The following POLR3B variants were observed in gnomAD, a reference collection of about 807,000 sequenced individuals.
POLR3B encodes DNA-directed RNA polymerase III subunit RPC2.
In POLR3B, 96 loss-of-function variants were observed where a neutral mutation model predicts 147.4. That is an observed-to-expected ratio of 0.65 (90% CI 0.55 to 0.77). The LOEUF (loss-of-function observed/expected upper bound fraction) is 0.77, where lower values mean the gene tolerates loss of function less well. Among genes scored for constraint, POLR3B ranks in the 30% least tolerant of loss-of-function variants. The pLI is 0.00. For synonymous variants in POLR3B, 461 were observed against 485.9 expected (o/e 0.95, Z 0.67); for missense variants, 1,036 against 1,413.5 (o/e 0.73, Z 4.28).
At chr12:106,483,394 G>A (rs1016380404) in intron 23 of POLR3B, among the ~76,000 whole-genome samples, 1 of 152,144 alleles carries the variant, frequency 6.6e-6, no homozygotes. Flanking sequence ...ACTGTGTGGG[G>A]CACTTTAGGG....
chr12:106,371,581 C>T (rs1213379805), intron 6 of POLR3B, among the ~76,000 whole-genome samples: 2 of 150,074 alleles, frequency 1.3e-5, no homozygotes, highest in Admixed American at 6.7e-5. Context: ...AAATGTGGCA[C>T]ATATACACCA....
chr12:106,474,871 TC>T, intron 23 of POLR3B, among the ~76,000 whole-genome samples: 1 of 151,874 alleles, frequency 6.6e-6, no homozygotes, highest in Non-Finnish European at 1.5e-5. Flanking sequence ...TTCTTTCAGT[TC>T]TGCTCTGATT....
intron 11 of POLR3B, among the ~76,000 whole-genome samples, chr12:106,409,490 A>C (rs1339726456): frequency 6.6e-6 from 1 of 151,704 alleles, no homozygotes; most frequent in African/African-American, 2.4e-5. Flanking sequence ...ACATTCAAAC[A>C]CATTTCTTTT....
At chr12:106,500,219 T>A (rs773619814) in intron 25 of POLR3B, 13 of 452,856 alleles carry the variant, frequency 2.9e-5, no homozygotes, top group Middle Eastern at 3.2e-4. Flanking sequence ...TAAAAAAAAA[T>A]TTTTTAAGAC....
chr12:106,437,930 C>T, intron 18 of POLR3B, 151 bp downstream of exon 18: 1 of 649,436 alleles, frequency 1.5e-6, no homozygotes, highest in South Asian at 1.8e-5. Flanking sequence ...TTTGAACATG[C>T]AGGTTTGTTA....
chr12:106,418,127 C>T (rs2037330711), intron 12 of POLR3B, among the ~76,000 whole-genome samples: 1 of 152,168 alleles, frequency 6.6e-6, no homozygotes, highest in South Asian at 2.1e-4. Flanking sequence ...AGTCTTGATG[C>T]CACAAGAGGG....
In POLR3B at chr12:106,405,846, G is replaced by T. The variant is rs2037144045; in HGVS notation, c.847-11G>T. On this transcript the variant is annotated splice_polypyrimidine_tract_variant and intron_variant, in intron 10 of 27. Transcript: ENST00000228347. ...TGTCATTCAAACATTATTGTAATCTGTTTTTTATAGGCATTAAAATATATA... is the reference window on the plus strand; with the variant it reads ...TGTCATTCAAACATTATTGTAATCTTTTTTTTATAGGCATTAAAATATATA... The T allele has an allele frequency of 6.2e-7, 1 of 1,612,380 alleles. No individual in the cohort carries two copies. The highest frequency in any genetic ancestry group is 1.3e-5 in the African/African-American group (1 of 74,984).
chr12:106,485,710 A>C (rs1287979363), intron 23 of POLR3B, among the ~76,000 whole-genome samples: 1 of 152,200 alleles, frequency 6.6e-6, no homozygotes, highest in Non-Finnish European at 1.5e-5. Context: ...AATTGGGTAA[A>C]GAATAGTTTT....
Position 106,393,093 on chromosome 12 carries a change from G to A in POLR3B, c.786G>A (p.Met262Ile). The A allele has an allele frequency of 6.2e-7, 1 of 1,614,210 alleles. No homozygotes were observed. The highest frequency in any genetic ancestry group is 8.5e-7 in the Non-Finnish European group (1 of 1,180,014). Residue 262 changes from methionine (M) to isoleucine (I), a missense_variant, in exon 10 of 28, where the codon ATG (methionine) becomes ATA (isoleucine). Met to Ile is a conservative substitution (Grantham distance 10). Transcript: ENST00000228347. ...VQMIGTEEHV[M>I]AAFGPSLEEC... ...TGATTGGAACAGAGGAGCACGTGAT[G>A]GCTGCATTTGGGCCCAGTCTGGAAG...
At chr12:106,508,409 C>G (rs2038723430) in intron 27 of POLR3B, among the ~76,000 whole-genome samples, 1 of 152,184 alleles carries the variant, frequency 6.6e-6, no homozygotes, top group Non-Finnish European at 1.5e-5. Context: ...CCCGATCTTC[C>G]AAGCCTCAGT....
intron 25 of POLR3B, among the ~76,000 whole-genome samples, 190 bp downstream of exon 25, chr12:106,497,108 G>A (rs545651387): frequency 1.5e-5 from 2 of 134,746 alleles, no homozygotes; most frequent in East Asian, 3.0e-4. Context: ...AAAACATTAT[G>A]AGAGTTTTTC....
intron 11 of POLR3B, chr12:106,410,373 CCT>C (rs953379727): frequency 3.1e-5 from 5 of 160,058 alleles, no homozygotes; most frequent in Non-Finnish European, 1.4e-5. Context: ...TGAAATGTAG[CCT>C]CTCTCTCTGT....
Position 106,496,127 on chromosome 12 carries a change from T to C in POLR3B, c.2786T>C (p.Met929Thr). The change falls in exon 24 of 28, where the codon ATG (methionine) becomes ACG (threonine). Residue 929 changes from methionine (M) to threonine (T), a missense_variant. Physicochemically the swap from Met to Thr is moderately conservative, Grantham distance 81. Around this residue, in one of 12 missense-constraint regions of POLR3B, gnomAD observed 15 missense variants for 38.1 expected, o/e 0.39. Coordinates refer to ENST00000228347, the MANE Select transcript of POLR3B (RefSeq NM_018082.6). ...TCTGGCATCTGTCCGGACATCATCA[T>C]GAACCCACACGGCTTCCCATCACGA... The part of the protein sequence containing the change: ...CDSGICPDII[M>T]NPHGFPSRMT... 2 of 1,611,326 alleles carry C rather than the reference T, an allele frequency of 1.2e-6. No homozygotes were observed. Among genetic ancestry groups the C allele is most frequent in the Non-Finnish European group, 1.7e-6 (2 of 1,177,402 alleles).
chr12:106,477,653 T>C (rs1319921333), intron 23 of POLR3B, among the ~76,000 whole-genome samples: 1 of 152,128 alleles, frequency 6.6e-6, no homozygotes, highest in Non-Finnish European at 1.5e-5. Flanking sequence ...CCCCTTTCTT[T>C]GACTCGGAAA....
chr12:106,428,552 A>T lies in POLR3B; in HGVS notation c.1263+1194A>T, dbSNP rs575130158. ...TAATACTCCTACAGAATACAAGAACAAATTCTCTTGCTGAACATCTTGGCT... is the reference window on the plus strand; with the variant it reads ...TAATACTCCTACAGAATACAAGAACTAATTCTCTTGCTGAACATCTTGGCT... On this transcript the variant is annotated intron_variant, in intron 13 of 27. Transcript: ENST00000228347. Among the ~76,000 whole-genome samples the T allele has an allele frequency of 1.4e-4, 22 of 152,280 alleles. No individual in the cohort carries two copies. The South Asian group carries it at 4.6e-3, about 32-fold the overall frequency.
Position 106,418,290 on chromosome 12 carries a change from GC to G in POLR3B, c.1101+7331del, listed in dbSNP as rs1206955364. ...AAATTTTTTGTTTCTAATGCAGCTTGCTTTGTATGGGTGAGATATGGAATGG... is the reference window on the plus strand; with the variant it reads ...AAATTTTTTGTTTCTAATGCAGCTTGTTTGTATGGGTGAGATATGGAATGG... On this transcript the variant is annotated intron_variant, in intron 12 of 27. Coordinates refer to ENST00000228347, the MANE Select transcript of POLR3B (RefSeq NM_018082.6). Among the ~76,000 whole-genome samples, 3 of 152,164 alleles carry G rather than the reference GC, an allele frequency of 2.0e-5. No homozygotes were observed. In the East Asian group the frequency reaches 5.8e-4, roughly 29 times the overall value.
intron 23 of POLR3B, among the ~76,000 whole-genome samples, chr12:106,474,926 C>T (rs967910880): frequency 1.4e-5 from 2 of 141,414 alleles, no homozygotes; most frequent in Non-Finnish European, 3.0e-5. Context: ...TGTGTTCGCT[C>T]TTGCTTTTCT....
At chr12:106,415,817 C>T (rs2037294790) in intron 12 of POLR3B, among the ~76,000 whole-genome samples, 1 of 152,082 alleles carries the variant, frequency 6.6e-6, no homozygotes, top group Non-Finnish European at 1.5e-5. Context: ...GAATTTTAAA[C>T]AAAAAGATTT....
intron 6 of POLR3B, 73 bp from the exon 7 acceptor site, chr12:106,376,286 T>C (rs1373036744): frequency 2.1e-6 from 2 of 972,918 alleles, no homozygotes; most frequent in Admixed American, 1.7e-5. Context: ...GTGCACTGCA[T>C]GTTTTGTATT....
Sources: allele counts gnomAD v4.1 joint callset (sites outside exome capture counted in the v4.1 genomes callset), GRCh38; gene constraint gnomAD v4.1.1; regional missense constraint gnomAD v4.1.1; transcripts MANE v1.5; gene names NCBI Gene and HGNC (gene_info 2026-07-23, HGNC 2026-07-21).